The following VWA8 variants were observed in gnomAD, a reference collection of about 807,000 sequenced individuals.
The protein encoded by VWA8 is von Willebrand factor A domain containing 8.
Under a neutral mutation model 241.5 loss-of-function variants are expected in VWA8, and 221 were observed. The observed-to-expected ratio is 0.91, with a 90% CI of 0.82 to 1.02. The LOEUF (loss-of-function observed/expected upper bound fraction) is 1.02. Among genes scored for constraint, VWA8 ranks in the 50% least tolerant of loss-of-function variants. The probability of loss-of-function intolerance (pLI) is 0.00; values close to 1 mark genes in which losing one functional copy is unlikely to be tolerated. For synonymous variants in VWA8, 852 were observed against 827.1 expected, an observed-to-expected ratio of 1.03 and a Z score of -0.52; for missense variants, 2,322 against 2,328.7, an observed-to-expected ratio of 1.00 and a Z score of 0.06.
At chr13:41,872,151 T>C (rs1873659773) in intron 9 of VWA8, among the ~76,000 whole-genome samples, 2 of 150,782 alleles carry the variant, frequency 1.3e-5, no homozygotes, top group East Asian at 3.9e-4. Context: ...TTTGATGGGG[T>C]TGTTTGTTTT....
At chr13:41,691,471 A>G in intron 31 of VWA8, 26 bp from the exon 32 acceptor site, 1 of 1,609,768 alleles carries the variant, frequency 6.2e-7, no homozygotes, top group Non-Finnish European at 8.5e-7. Context: ...ACTGTATCTG[A>G]AAGGAAATGG....
intron 14 of VWA8, among the ~76,000 whole-genome samples, chr13:41,824,348 CTT>C (rs1337987800): frequency 1.3e-5 from 2 of 152,156 alleles, no homozygotes; most frequent in African/African-American, 4.8e-5. Flanking sequence ...AGATTAGACA[CTT>C]TAAACTTCTA....
At chr13:41,958,258 C>G (rs1878436820) in intron 1 of VWA8, among the ~76,000 whole-genome samples, 1 of 152,180 alleles carries the variant, frequency 6.6e-6, no homozygotes. Context: ...CAATTCCAGC[C>G]TCTCCTGCTC....
At chr13:41,574,354 A>ATACTT (rs2044337584) in intron 43 of VWA8, among the ~76,000 whole-genome samples, 1 of 152,196 alleles carries the variant, frequency 6.6e-6, no homozygotes, top group African/African-American at 2.4e-5. Flanking sequence ...CCCTAGGAAT[A>ATACTT]TACTTAACCA....
chr13:41,872,462 T>C (rs1252163848), intron 9 of VWA8, among the ~76,000 whole-genome samples: 4 of 152,114 alleles, frequency 2.6e-5, no homozygotes, highest in South Asian at 2.1e-4. Flanking sequence ...AGTCTTTAAT[T>C]CATCTTGAAT....
At chr13:41,818,376 A>T (rs1870794309) in intron 15 of VWA8, among the ~76,000 whole-genome samples, 1 of 150,782 alleles carries the variant, frequency 6.6e-6, no homozygotes, top group Non-Finnish European at 1.5e-5. Context: ...GTTCAAGACC[A>T]GCCTGGCCAA....
intron 37 of VWA8, among the ~76,000 whole-genome samples, chr13:41,644,957 T>C (rs1264842711): frequency 1.3e-5 from 2 of 152,226 alleles, no homozygotes; most frequent in East Asian, 1.9e-4. Flanking sequence ...CAAGAACCTG[T>C]TGACTATGTT....
intron 12 of VWA8, among the ~76,000 whole-genome samples, chr13:41,863,769 T>G (rs1272706357): frequency 6.6e-6 from 1 of 151,834 alleles, no homozygotes; most frequent in African/African-American, 2.4e-5. Context: ...AAACATTGAG[T>G]ACACATGGAC....
chr13:41,588,195 TAAAGA>T (rs1469385551), intron 41 of VWA8, among the ~76,000 whole-genome samples: 2 of 152,146 alleles, frequency 1.3e-5, no homozygotes, highest in Non-Finnish European at 2.9e-5. Flanking sequence ...GCAAAGAAAT[TAAAGA>T]AAAGATTTTA....
At chr13:41,689,591 T>C in intron 33 of VWA8, 83 bp from the exon 34 acceptor site, 1 of 1,297,162 alleles carries the variant, frequency 7.7e-7, no homozygotes, top group Non-Finnish European at 1.0e-6. Flanking sequence ...TCTCAACAAG[T>C]CAAATGGAAA....
At chr13:41,631,685 A>G (rs1018246166) in intron 37 of VWA8, among the ~76,000 whole-genome samples, 2 of 152,198 alleles carry the variant, frequency 1.3e-5, no homozygotes, top group African/African-American at 4.8e-5. Context: ...TTTTTGGAAA[A>G]TCTGGGAATA....
Position 41,711,602 on chromosome 13 carries a change from T to C in VWA8, c.3116+7989A>G, listed in dbSNP as rs9562341. 5.0e-4 allele frequency among the ~76,000 whole-genome samples: 76 copies of C among 152,242 alleles called. No homozygotes were observed. The East Asian group carries it at 6.0e-3, about 12-fold the overall frequency. Reference sequence around the variant, plus strand: ...TATAAAAGAAATTTCAGGCCGGGCATGGTGGCTCATGCCTGTAATCCCAGC... The same window carrying C: ...TATAAAAGAAATTTCAGGCCGGGCACGGTGGCTCATGCCTGTAATCCCAGC... On this transcript the variant is annotated intron_variant, in intron 26 of 44. Coordinates refer to ENST00000379310, the MANE Select transcript of VWA8 (RefSeq NM_015058.2).
At chr13:41,688,081 T>A (rs534261186) in intron 34 of VWA8, among the ~76,000 whole-genome samples, 1 of 152,196 alleles carries the variant, frequency 6.6e-6, no homozygotes, top group South Asian at 2.1e-4. Flanking sequence ...ATAAAACACA[T>A]CTCTTTCATA....
intron 12 of VWA8, among the ~76,000 whole-genome samples, chr13:41,859,296 A>G (rs1298533578): frequency 6.6e-6 from 1 of 152,184 alleles, no homozygotes; most frequent in Non-Finnish European, 1.5e-5. Flanking sequence ...TTTCCACTAT[A>G]TTTGCATAAA....
chr13:41,900,842 A>G (rs1292398434), intron 4 of VWA8, among the ~76,000 whole-genome samples: 1 of 152,178 alleles, frequency 6.6e-6, no homozygotes, highest in African/African-American at 2.4e-5. Flanking sequence ...AATTTTTTAA[A>G]TTACATTTCA....
At chr13:41,904,508 T>C (rs1875606456) in intron 4 of VWA8, among the ~76,000 whole-genome samples, 1 of 152,118 alleles carries the variant, frequency 6.6e-6, no homozygotes, top group Non-Finnish European at 1.5e-5. Context: ...TCTCTGAGTA[T>C]AGAAAAGAGG....
chr13:41,871,610 C>T (rs1461582782), intron 9 of VWA8, among the ~76,000 whole-genome samples: 1 of 152,058 alleles, frequency 6.6e-6, no homozygotes, highest in Admixed American at 6.5e-5. Flanking sequence ...CCAATTTCAT[C>T]CATGTCCCTA....
At chr13:41,818,408 C>T (rs978512788) in intron 15 of VWA8, among the ~76,000 whole-genome samples, 31 of 151,608 alleles carry the variant, frequency 2.0e-4, no homozygotes, top group Non-Finnish European at 3.2e-4. Flanking sequence ...CCCGTCTCTA[C>T]TAAAAATAGA....
chr13:41,816,443 A>C (rs2137980826), intron 16 of VWA8, among the ~76,000 whole-genome samples: 1 of 152,316 alleles, frequency 6.6e-6, no homozygotes, highest in East Asian at 1.9e-4. Context: ...GAGGGGACAG[A>C]GCAGAACCCC....
Sources: allele counts gnomAD v4.1 joint callset (sites outside exome capture counted in the v4.1 genomes callset), GRCh38; gene constraint gnomAD v4.1.1; transcripts MANE v1.5; gene names NCBI Gene and HGNC (gene_info 2026-07-23, HGNC 2026-07-21).